Variants in IMMP2L observed in about 807,000 individuals in gnomAD.
The protein encoded by IMMP2L is inner mitochondrial membrane peptidase subunit 2.
A neutral mutation model predicts 19.3 loss-of-function variants in IMMP2L; 18 were observed. That is an observed-to-expected ratio of 0.93 (90% confidence interval 0.64 to 1.38). The LOEUF is 1.38. Ranked by LOEUF, IMMP2L falls within the 40% of genes most tolerant of loss-of-function variation. IMMP2L has a pLI of 0.00. For synonymous variants in IMMP2L, 76 were observed against 73.0 expected, an observed-to-expected ratio of 1.04 and a Z score of -0.21; for missense variants, 233 against 218.2, an observed-to-expected ratio of 1.07 and a Z score of -0.43.
At chr7:110,854,285 G>T (rs770326885) in intron 5 of IMMP2L, among the ~76,000 whole-genome samples, 1 of 151,730 alleles carries the variant, frequency 6.6e-6, no homozygotes, top group Non-Finnish European at 1.5e-5. Context: ...CTTACATAAA[G>T]AATACATTTA....
intron 3 of IMMP2L, among the ~76,000 whole-genome samples, chr7:111,036,890 C>G: frequency 6.6e-6 from 1 of 152,092 alleles, no homozygotes; most frequent in African/African-American, 2.4e-5. Flanking sequence ...CATAAGAAAT[C>G]ACCATGTGGG....
chr7:111,341,832 T>C (rs1363936847), intron 3 of IMMP2L, among the ~76,000 whole-genome samples: 1 of 152,130 alleles, frequency 6.6e-6, no homozygotes, highest in Non-Finnish European at 1.5e-5. Context: ...GGCTCCACCT[T>C]TATGCGGAGA....
intron 5 of IMMP2L, among the ~76,000 whole-genome samples, chr7:110,756,961 T>G (rs1053725776): frequency 6.6e-5 from 10 of 152,108 alleles, no homozygotes; most frequent in Non-Finnish European, 1.5e-4. Context: ...TTTATTTGTA[T>G]GTATTTATAC....
intron 3 of IMMP2L, among the ~76,000 whole-genome samples, chr7:111,422,398 T>C (rs1211425426): frequency 6.6e-6 from 1 of 151,784 alleles, no homozygotes; most frequent in Non-Finnish European, 1.5e-5. Flanking sequence ...TCTATTTCAT[T>C]GAGCAGTGGT....
intron 3 of IMMP2L, among the ~76,000 whole-genome samples, chr7:111,254,693 C>T (rs2129633022): frequency 6.6e-6 from 1 of 152,182 alleles, no homozygotes; most frequent in South Asian, 2.1e-4. Context: ...GGTTCCAGGA[C>T]CACCCACATA....
chr7:111,221,940 C>A (rs1181210012), intron 3 of IMMP2L, among the ~76,000 whole-genome samples: 1 of 151,908 alleles, frequency 6.6e-6, no homozygotes, highest in Non-Finnish European at 1.5e-5. Context: ...CAGATCCATG[C>A]CAGCATGGAC....
intron 3 of IMMP2L, chr7:111,122,661 C>A: frequency 1.2e-6 from 1 of 827,698 alleles, no homozygotes; most frequent in Non-Finnish European, 1.9e-6. Flanking sequence ...CTATGGCATT[C>A]ATCATTTGAC....
chr7:110,949,513 A>G (rs538212960), intron 4 of IMMP2L, among the ~76,000 whole-genome samples: 65 of 152,310 alleles, frequency 4.3e-4, no homozygotes, highest in Non-Finnish European at 6.0e-4. Context: ...AATATAGCCC[A>G]CAGGTCAGCA....
intron 5 of IMMP2L, among the ~76,000 whole-genome samples, chr7:110,723,049 C>T (rs776220127): frequency 1.2e-4 from 19 of 152,050 alleles, no homozygotes; most frequent in Non-Finnish European, 2.4e-4. Context: ...TTCCCTTGTA[C>T]CTAAGATATT....
At chr7:111,045,342 C>G (rs557754271) in intron 3 of IMMP2L, among the ~76,000 whole-genome samples, 84 of 152,288 alleles carry the variant, frequency 5.5e-4, no homozygotes, top group African/African-American at 1.7e-3. Flanking sequence ...TGACACAACC[C>G]TAGTCCAATA....
intron 5 of IMMP2L, among the ~76,000 whole-genome samples, chr7:110,804,494 C>G (rs1192825359): frequency 2.0e-5 from 3 of 151,928 alleles, no homozygotes; most frequent in Non-Finnish European, 4.4e-5. Flanking sequence ...TTCTGGAACT[C>G]TGGTTTCTAA....
chr7:111,329,706 G>C (rs1465452716), intron 3 of IMMP2L, among the ~76,000 whole-genome samples: 1 of 151,608 alleles, frequency 6.6e-6, no homozygotes, highest in African/African-American at 2.4e-5. Context: ...ATACATTAGA[G>C]AGAGAAAAAG....
intron 3 of IMMP2L, among the ~76,000 whole-genome samples, chr7:111,237,722 T>A (rs1408345333): frequency 6.6e-6 from 1 of 151,962 alleles, no homozygotes; most frequent in Non-Finnish European, 1.5e-5. Context: ...ATTTCTACCA[T>A]CATTCGGAGG....
At chr7:110,965,876 C>T (rs1036193668) in intron 3 of IMMP2L, among the ~76,000 whole-genome samples, 2 of 151,886 alleles carry the variant, frequency 1.3e-5, no homozygotes, top group African/African-American at 4.8e-5. Flanking sequence ...ATGTAACATG[C>T]CTTTCTATAA....
chr7:111,124,402 A>C, intron 3 of IMMP2L: 1 of 1,613,788 alleles, frequency 6.2e-7, no homozygotes, highest in Non-Finnish European at 8.5e-7. Context: ...CTGGAAAGCA[A>C]GTTCTAAAAT....
chr7:111,180,343 T>C lies in IMMP2L; in HGVS notation c.240-216778A>G, dbSNP rs541012681. Among the ~76,000 whole-genome samples, 5 of 152,092 alleles carry C rather than the reference T, an allele frequency of 3.3e-5. No individual in the cohort carries two copies. In the South Asian group the frequency reaches 1.0e-3, roughly 32 times the overall value. On this transcript the variant is annotated intron_variant, in intron 3 of 5. Coordinates refer to ENST00000405709, the MANE Select transcript of IMMP2L (RefSeq NM_032549.4). ...ATTAGTTGGCCTAATTTCAATATTGTTGTGTCTCAGCAAATAAGGAGGCCT... is the reference window on the plus strand; with the variant it reads ...ATTAGTTGGCCTAATTTCAATATTGCTGTGTCTCAGCAAATAAGGAGGCCT...
intron 3 of IMMP2L, among the ~76,000 whole-genome samples, chr7:111,262,314 G>A (rs1428544582): frequency 6.6e-6 from 1 of 152,022 alleles, no homozygotes; most frequent in East Asian, 1.9e-4. Context: ...ATCTTATACA[G>A]AGTAGCCAGG....
intron 3 of IMMP2L, among the ~76,000 whole-genome samples, chr7:111,259,990 G>A (rs939980053): frequency 1.3e-5 from 2 of 152,084 alleles, no homozygotes; most frequent in African/African-American, 4.8e-5. Flanking sequence ...CATGCATGGA[G>A]CTGTCATCTC....
chr7:110,802,361 G>C (rs925823477), intron 5 of IMMP2L, among the ~76,000 whole-genome samples: 1 of 128,904 alleles, frequency 7.8e-6, no homozygotes, highest in Non-Finnish European at 1.7e-5. Context: ...GTGTGTGTGT[G>C]TGTGTGTGCC....
Sources: allele counts gnomAD v4.1 joint callset (sites outside exome capture counted in the v4.1 genomes callset), GRCh38; gene constraint gnomAD v4.1.1; transcripts MANE v1.5; gene names NCBI Gene and HGNC (gene_info 2026-07-23, HGNC 2026-07-21).